Variants in SCP2 observed in about 807,000 individuals in gnomAD.
SCP2 encodes sterol carrier protein 2, also known as SCP-2/3-oxoacyl-CoA thiolase.
SCP2 carries 48 observed loss-of-function variants against 71.4 expected under a neutral mutation model. The observed-to-expected ratio is 0.67, with a 90% confidence interval of 0.53 to 0.86. The LOEUF (loss-of-function observed/expected upper bound fraction) is 0.86. SCP2 is among the 40% of genes least tolerant of loss of function. The pLI, the probability that SCP2 is intolerant of heterozygous loss-of-function variation, is 0.00. For synonymous variants in SCP2, 220 were observed against 218.1 expected, an observed-to-expected ratio of 1.01 and a Z score of -0.08; for missense variants, 560 against 655.6, an observed-to-expected ratio of 0.85 and a Z score of 1.59.
intron 11 of SCP2, among the ~76,000 whole-genome samples, chr1:53,004,609 C>T (rs111289558): frequency 0.032 from 4,830 of 152,256 alleles, 228 homozygotes; most frequent in African/African-American, 0.11. Context: ...TGATATTCAC[C>T]GCCCTTGTGA....
chr1:52,935,877 G>T (rs1340497879), intron 1 of SCP2, among the ~76,000 whole-genome samples: 1 of 152,138 alleles, frequency 6.6e-6, no homozygotes, highest in Non-Finnish European at 1.5e-5. Context: ...GTTTGAGGCT[G>T]CAGGGAGCTA....
At chr1:53,005,067 G>A (rs961075386) in intron 11 of SCP2, among the ~76,000 whole-genome samples, 3 of 152,236 alleles carry the variant, frequency 2.0e-5, no homozygotes, top group Non-Finnish European at 2.9e-5. Flanking sequence ...GTGACAGCGA[G>A]GCTTGGGGAG....
chr1:52,945,001 A>G (rs1204232197), intron 2 of SCP2, among the ~76,000 whole-genome samples: 1 of 151,780 alleles, frequency 6.6e-6, no homozygotes, highest in Non-Finnish European at 1.5e-5. Context: ...CCTTTTTGTA[A>G]CTCATTCTTT....
chr1:52,965,868 A>C (rs1206304959), intron 6 of SCP2, among the ~76,000 whole-genome samples: 1 of 148,530 alleles, frequency 6.7e-6, no homozygotes, highest in Non-Finnish European at 1.5e-5. Context: ...CTGGTCTTGA[A>C]CTCCTGACTT....
chr1:53,049,377 T>C (rs1350101376), intron 15 of SCP2: 2 of 152,252 alleles, frequency 1.3e-5, no homozygotes, highest in Non-Finnish European at 2.9e-5. Context: ...GCTAATGGAC[T>C]TCCCTTATGC....
chr1:52,947,840 AT>A lies in SCP2; in HGVS notation c.128-167del. 1.3e-5 allele frequency among the ~76,000 whole-genome samples: 2 copies of A among 152,356 alleles called. 1 individual carries two copies. Among genetic ancestry groups the A allele is most frequent in the South Asian group, 4.1e-4 (2 of 4,830 alleles). On this transcript the variant is annotated intron_variant, in intron 2 of 15. Transcript: ENST00000371514. Reference sequence around the variant, plus strand: ...ATGCAGTAGCTTAGAGGAAAAAATGATTACTTCTGAAAGTAGAGATGTGACA... The same window carrying A: ...ATGCAGTAGCTTAGAGGAAAAAATGATACTTCTGAAAGTAGAGATGTGACA...
intron 12 of SCP2, among the ~76,000 whole-genome samples, chr1:53,016,133 T>G (rs1357088727): frequency 1.3e-5 from 2 of 152,164 alleles, no homozygotes; most frequent in Admixed American, 1.3e-4. Flanking sequence ...CTTCTTTTAT[T>G]GAGTCTATGT....
intron 11 of SCP2, among the ~76,000 whole-genome samples, chr1:53,006,848 G>C (rs1660669295): frequency 6.6e-6 from 1 of 152,114 alleles, no homozygotes; most frequent in Non-Finnish European, 1.5e-5. Flanking sequence ...ATTGGATAAA[G>C]AGTCAAGACC....
At chr1:53,029,332 C>T (rs552027931) in intron 13 of SCP2, among the ~76,000 whole-genome samples, 4 of 149,444 alleles carry the variant, frequency 2.7e-5, no homozygotes, top group East Asian at 2.0e-4. Flanking sequence ...GGCATGATCA[C>T]GGCTCACTGC....
intron 7 of SCP2, among the ~76,000 whole-genome samples, chr1:52,976,033 A>G (rs1657933341): frequency 6.6e-6 from 1 of 152,220 alleles, no homozygotes; most frequent in African/African-American, 2.4e-5. Flanking sequence ...TTACAGTTTT[A>G]TTATAAAGGA....
At chr1:52,974,951 T>A (rs1036593967) in intron 7 of SCP2, 119 bp downstream of exon 7, 1 of 691,932 alleles carries the variant, frequency 1.4e-6, no homozygotes, top group Non-Finnish European at 2.6e-6. Context: ...AATGTTTTAT[T>A]TTTTTCTTAC....
At chr1:52,994,793 T>C in intron 11 of SCP2, 2 of 547,678 alleles carry the variant, frequency 3.7e-6, no homozygotes, top group Non-Finnish European at 6.9e-6. Context: ...TGCTGGGATG[T>C]GATCAGTGAT....
intron 2 of SCP2, among the ~76,000 whole-genome samples, chr1:52,942,615 ATT>A (rs71678999): frequency 6.7e-6 from 1 of 148,834 alleles, no homozygotes; most frequent in African/African-American, 2.5e-5. Context: ...TATATAAAGA[ATT>A]TTTTTTTTGC....
rs569482701 is a variant in SCP2 at position 53,004,510 on chromosome 1, C to T, written c.1082-10380C>T. 1.5e-4 allele frequency among the ~76,000 whole-genome samples: 23 copies of T among 152,122 alleles called. 1 individual carries two copies. The highest frequency in any genetic ancestry group is 3.1e-4 in the Non-Finnish European group (21 of 68,020). On this transcript the variant is annotated intron_variant, in intron 11 of 15. Coordinates refer to ENST00000371514, the MANE Select transcript of SCP2 (RefSeq NM_002979.5). Reference sequence around the variant, plus strand: ...GTTCCTGCCTTAACTGATGACATGCCACCATTGTGATCTGTTCCTGCCCCA... The same window carrying T: ...GTTCCTGCCTTAACTGATGACATGCTACCATTGTGATCTGTTCCTGCCCCA...
intron 11 of SCP2, among the ~76,000 whole-genome samples, chr1:53,008,027 A>G (rs1330701439): frequency 2.0e-5 from 3 of 152,198 alleles, no homozygotes; most frequent in African/African-American, 7.2e-5. Flanking sequence ...TAGAAAATCT[A>G]GAAGAAATGG....
At chr1:53,015,916 CTT>C (rs1444150618) in intron 12 of SCP2, among the ~76,000 whole-genome samples, 3 of 152,202 alleles carry the variant, frequency 2.0e-5, no homozygotes, top group Non-Finnish European at 4.4e-5. Flanking sequence ...TATTTACTCT[CTT>C]TAACCCGGCT....
chr1:53,032,091 G>A (rs1158687554), intron 13 of SCP2, among the ~76,000 whole-genome samples: 2 of 152,190 alleles, frequency 1.3e-5, no homozygotes, highest in Non-Finnish European at 2.9e-5. Flanking sequence ...AGAACCTTGA[G>A]AGATAAAAGA....
At chr1:52,983,504 G>T (rs1164508496) in intron 10 of SCP2, among the ~76,000 whole-genome samples, 3 of 152,054 alleles carry the variant, frequency 2.0e-5, no homozygotes, top group Non-Finnish European at 4.4e-5. Flanking sequence ...TGTTCACTTT[G>T]AATCCCCTTT....
At chr1:52,974,724 G>A in intron 6 of SCP2, 45 bp from the exon 7 acceptor site, 1 of 937,682 alleles carries the variant, frequency 1.1e-6, no homozygotes, top group Non-Finnish European at 1.8e-6. Flanking sequence ...TTAATAAGCA[G>A]CGGAAAAACA....
Sources: gnomAD v4.1 joint callset for allele counts (sites outside exome capture counted in the v4.1 genomes callset) on GRCh38, gnomAD v4.1.1 for gene constraint, MANE v1.5 for transcripts, NCBI Gene and HGNC (gene_info 2026-07-23, HGNC 2026-07-21) for gene names.